Variants in DCAF4L1 observed in about 807,000 individuals in gnomAD.
DCAF4L1 encodes the protein DDB1- and CUL4-associated factor 4-like protein 1.
DCAF4L1 carries 4 observed loss-of-function variants against 28.2 expected under a neutral mutation model. The ratio of observed to expected loss-of-function variants is 0.14; its 90% confidence interval spans 0.07 to 0.33. The LOEUF (loss-of-function observed/expected upper bound fraction) is 0.33, where lower values mean the gene tolerates loss of function less well. Ranked by LOEUF, DCAF4L1 falls within the 10% of genes least tolerant of loss-of-function variation. DCAF4L1 has a pLI of 1.00. For synonymous variants in DCAF4L1, 252 were observed against 212.1 expected, an observed-to-expected ratio of 1.19 and a Z score of -1.63; for missense variants, 331 against 506.1, an observed-to-expected ratio of 0.65 and a Z score of 3.32.
rs1310577773 is a variant in DCAF4L1, at chr4:41,985,165, G to GA, written c.*2183dup. On this transcript the variant is annotated 3_prime_UTR_variant, in exon 1 of 1. Transcript: ENST00000333141. ...ATTTATTTGGCAATTGACAAAAAAT[G>GA]ACTACATAACTTGATAAACTGTTTA... 2.4e-5 allele frequency: 4 copies of GA among 166,438 alleles called. No homozygotes were observed. The highest frequency in any genetic ancestry group is 9.7e-5 in the African/African-American group (4 of 41,208). The allele number at this position is 166,438 out of a possible 1,614,324, so 10.3% of individuals were successfully genotyped here. A position where few individuals can be genotyped will look rare whatever the true frequency, so the allele number is the denominator to read the frequency against.
rs777654754 is a variant in DCAF4L1, at chr4:41,982,038, C to T, written c.246C>T (p.Asn82=). ...TTAACTTCATTCTGGCGAGTACCAA[C>T]AGCGACCAGCTCTTCGTAGTGAACC... is the stretch of plus-strand genomic sequence containing the variant. ...DRFNFILAST[N]SDQLFVVNQV... is the part of the protein sequence containing the mutation. The change falls in exon 1 of 1, where the codon AAC becomes AAT. Residue 82 remains asparagine (N), a synonymous_variant. Transcript: ENST00000333141. This position sits in a 1 kb window ranked among gnomAD's most constrained non-coding sequence, Gnocchi z 4.4. 39 of 1,614,120 alleles carry T rather than the reference C, an allele frequency of 2.4e-5. No homozygotes were observed. The highest frequency in any genetic ancestry group is 1.6e-4 in the Middle Eastern group (1 of 6,084).
Position 41,985,551 on chromosome 4 carries a change from C to T in DCAF4L1, c.*2568C>T, listed in dbSNP as rs993291549. The T allele has an allele frequency of 6.0e-6, 1 of 167,090 alleles. No individual in the cohort carries two copies. Among genetic ancestry groups the T allele is most frequent in the Non-Finnish European group, 1.5e-5 (1 of 68,116 alleles). The allele number at this position is 167,090 out of a possible 1,614,324, so 10.4% of individuals were successfully genotyped here. Reference sequence around the variant, plus strand: ...TGCTAAAGCTAGAAGTTTGCATACTCTATGACCCAGTCATTTCAGTCCTAG... The same window carrying T: ...TGCTAAAGCTAGAAGTTTGCATACTTTATGACCCAGTCATTTCAGTCCTAG... On this transcript the variant is annotated 3_prime_UTR_variant, in exon 1 of 1. Transcript: ENST00000333141.
Position 41,984,818 on chromosome 4 carries a change from T to G in DCAF4L1, c.*1835T>G. On this transcript the variant is annotated 3_prime_UTR_variant, in exon 1 of 1. Transcript: ENST00000333141. ...TACATATTGATAGAAGATGAGTAGA[T>G]CAATAGAGAAGATATGGGAGTATGG... 1 of 167,166 alleles carries G rather than the reference T, an allele frequency of 6.0e-6. No homozygotes were observed. 10.4% of individuals were successfully genotyped at this position (167,166 alleles called of 1,614,324 possible). A position where few individuals can be genotyped will look rare whatever the true frequency, so the allele number is the denominator to read the frequency against.
In DCAF4L1 at chr4:41,982,993, TGGCAGCGCG is replaced by T; in HGVS notation, c.*12_*20del. On this transcript the variant is annotated 3_prime_UTR_variant, in exon 1 of 1. Coordinates refer to ENST00000333141, the MANE Select transcript of DCAF4L1 (RefSeq NM_001029955.4). This position sits in a 1 kb window ranked among gnomAD's most constrained non-coding sequence, Gnocchi z 4.4. Reference sequence around the variant, plus strand: ...TTTCCCCTTCAGCTAATTCTGCAGGTGGCAGCGCGGCCGAATGTGGATTTGACTTAAGGA... The same window carrying T: ...TTTCCCCTTCAGCTAATTCTGCAGGTGCCGAATGTGGATTTGACTTAAGGA... The T allele has an allele frequency of 3.8e-6, 6 of 1,585,132 alleles. No homozygotes were observed. The highest frequency in any genetic ancestry group is 5.1e-6 in the Non-Finnish European group (6 of 1,165,828).
chr4:41,985,964 T>C lies in DCAF4L1; in HGVS notation c.*2981T>C, dbSNP rs1489699892. The C allele has an allele frequency of 1.8e-5, 3 of 167,138 alleles. No individual in the cohort carries two copies. The highest frequency in any genetic ancestry group is 4.4e-5 in the Non-Finnish European group (3 of 68,142). The allele number at this position is 167,138 out of a possible 1,614,324, so 10.4% of individuals were successfully genotyped here. On this transcript the variant is annotated 3_prime_UTR_variant, in exon 1 of 1. Transcript: ENST00000333141. Reference sequence around the variant, plus strand: ...CTAGTGACTCCAATAGTAATGGCACTGTGTCCGAGAGTCCAAAGAAGATGC... The same window carrying C: ...CTAGTGACTCCAATAGTAATGGCACCGTGTCCGAGAGTCCAAAGAAGATGC...
At position 41,982,921 on chromosome 4, in the gene DCAF4L1, G is replaced by A; in HGVS notation, c.1129G>A (p.Gly377Arg). 6.2e-7 allele frequency: 1 copy of A among 1,614,086 alleles called. No homozygotes were observed. The highest frequency in any genetic ancestry group is 8.5e-7 in the Non-Finnish European group (1 of 1,180,000). ...AFASRLGGIR[G>R]AAPGLLMAVR... ...CGCTTCTCGGCTCGGGGGCATCCGGGGAGCAGCACCAGGGCTGCTCATGGC... is the reference window on the plus strand; with the variant it reads ...CGCTTCTCGGCTCGGGGGCATCCGGAGAGCAGCACCAGGGCTGCTCATGGC... Residue 377 changes from glycine (G) to arginine (R), a missense_variant, in exon 1 of 1, where the codon GGA becomes AGA. By Grantham distance (125) the Gly-to-Arg change is moderately radical (BLOSUM62 -2). Transcript: ENST00000333141. This position sits in a 1 kb window ranked among gnomAD's most constrained non-coding sequence, Gnocchi z 4.4.
In DCAF4L1 at chr4:41,983,042, T is replaced by C; in HGVS notation, c.*59T>C. On this transcript the variant is annotated 3_prime_UTR_variant, in exon 1 of 1. Transcript: ENST00000333141. Reference sequence around the variant, plus strand: ...TGACTTAAGGAAGTTAAGAGTATCTTATTACCGTTTCTGTGAGAGCATTTT... The same window carrying C: ...TGACTTAAGGAAGTTAAGAGTATCTCATTACCGTTTCTGTGAGAGCATTTT... 7.0e-7 allele frequency: 1 copy of C among 1,438,832 alleles called. No individual in the cohort carries two copies. Among genetic ancestry groups the C allele is most frequent in the Non-Finnish European group, 9.5e-7 (1 of 1,056,030 alleles). 89.1% of individuals were successfully genotyped at this position (1,438,832 alleles called of 1,614,324 possible). A position where few individuals can be genotyped will look rare whatever the true frequency, so the allele number is the denominator to read the frequency against.
Position 41,981,806 on chromosome 4 carries a change from G to A in DCAF4L1, c.14G>A (p.Arg5Lys). 6.2e-7 allele frequency: 1 copy of A among 1,614,012 alleles called. No individual in the cohort carries two copies. The highest frequency in any genetic ancestry group is 2.2e-5 in the East Asian group (1 of 44,884). The change falls in exon 1 of 1, where the codon AGG becomes AAG. Residue 5 changes from arginine (R) to lysine (K), a missense_variant. By Grantham distance (26) the Arg-to-Lys change is conservative (BLOSUM62 2). Coordinates refer to ENST00000333141, the MANE Select transcript of DCAF4L1 (RefSeq NM_001029955.4). MEAE[R>K]LRLLEEEAKL... ...CCGCAGGAGGAAATGGAGGCTGAAA[G>A]GCTGCGACTCCTCGAGGAAGAGGCC... is the stretch of plus-strand genomic sequence containing the variant.
Position 41,984,229 on chromosome 4 carries a change from T to C in DCAF4L1, c.*1246T>C, listed in dbSNP as rs1714080894. 18 of 166,558 alleles carry C rather than the reference T, an allele frequency of 1.1e-4. No individual in the cohort carries two copies. The allele number at this position is 166,558 out of a possible 1,614,324, so 10.3% of individuals were successfully genotyped here. A position where few individuals can be genotyped will look rare whatever the true frequency, so the allele number is the denominator to read the frequency against. ...ATCTATATGCTTCACGTTTTTATAG[T>C]TTACTGTATATATGTTATTCCTCAA... On this transcript the variant is annotated 3_prime_UTR_variant, in exon 1 of 1. Coordinates refer to ENST00000333141, the MANE Select transcript of DCAF4L1 (RefSeq NM_001029955.4).
At position 41,983,330 on chromosome 4, in the gene DCAF4L1, C is replaced by A. The variant is rs115602445; in HGVS notation, c.*347C>A. On this transcript the variant is annotated 3_prime_UTR_variant, in exon 1 of 1. Coordinates refer to ENST00000333141, the MANE Select transcript of DCAF4L1 (RefSeq NM_001029955.4). ...AAACTAAAATAAATTAAAGCAGCTT[C>A]TTTCACTAGTAGCCCTTTAGAGAAG... The A allele has an allele frequency of 2.6e-3, 543 of 204,936 alleles. 3 individuals carry two copies. The highest frequency in any genetic ancestry group is 0.012 in the African/African-American group (484 of 42,076). 12.7% of individuals were successfully genotyped at this position (204,936 alleles called of 1,614,324 possible). A position where few individuals can be genotyped will look rare whatever the true frequency, so the allele number is the denominator to read the frequency against.
Position 41,983,103 on chromosome 4 carries a change from C to T in DCAF4L1, c.*120C>T, listed in dbSNP as rs1182679189. 4 of 851,968 alleles carry T rather than the reference C, an allele frequency of 4.7e-6. No homozygotes were observed. The Admixed American group carries it at 1.2e-4, about 25-fold the overall frequency. The allele number at this position is 851,968 out of a possible 1,614,324, so 52.8% of individuals were successfully genotyped here. A position where few individuals can be genotyped will look rare whatever the true frequency, so the allele number is the denominator to read the frequency against. On this transcript the variant is annotated 3_prime_UTR_variant, in exon 1 of 1. Transcript: ENST00000333141. ...TTGTATATAGATCGCATCCATCCGG[C>T]TGCCAGGGGTAAGGTGTTAAGAGTT...
Position 41,984,904 on chromosome 4 carries a change from T to G in DCAF4L1, c.*1921T>G, listed in dbSNP as rs1247992194. On this transcript the variant is annotated 3_prime_UTR_variant, in exon 1 of 1. Transcript: ENST00000333141. Reference sequence around the variant, plus strand: ...TTTTATACTAACTTGATATGTGACATGAGAAATTGTGTAAGCTTTACTTGC... The same window carrying G: ...TTTTATACTAACTTGATATGTGACAGGAGAAATTGTGTAAGCTTTACTTGC... 6.0e-6 allele frequency: 1 copy of G among 167,040 alleles called. No homozygotes were observed. Among genetic ancestry groups the G allele is most frequent in the Non-Finnish European group, 1.5e-5 (1 of 68,094 alleles). The allele number at this position is 167,040 out of a possible 1,614,324, so 10.3% of individuals were successfully genotyped here. A position where few individuals can be genotyped will look rare whatever the true frequency, so the allele number is the denominator to read the frequency against.
At position 41,983,561 on chromosome 4, in the gene DCAF4L1, T is replaced by C. The variant is rs1272385697; in HGVS notation, c.*578T>C. 1 of 167,282 alleles carries C rather than the reference T, an allele frequency of 6.0e-6. No homozygotes were observed. Among genetic ancestry groups the C allele is most frequent in the African/African-American group, 2.4e-5 (1 of 41,464 alleles). 10.4% of individuals were successfully genotyped at this position (167,282 alleles called of 1,614,324 possible). A position where few individuals can be genotyped will look rare whatever the true frequency, so the allele number is the denominator to read the frequency against. ...TCTTAAGGTTCTCCTTTTATTGTTA[T>C]CATCCATAGGCATTGGAAGGAAAGA... On this transcript the variant is annotated 3_prime_UTR_variant, in exon 1 of 1. Coordinates refer to ENST00000333141, the MANE Select transcript of DCAF4L1 (RefSeq NM_001029955.4).
rs1210753951 is a variant in DCAF4L1, at chr4:41,984,184, GATAC to G, written c.*1206_*1209del. 6.0e-6 allele frequency: 1 copy of G among 166,432 alleles called. No individual in the cohort carries two copies. The highest frequency in any genetic ancestry group is 2.4e-5 in the African/African-American group (1 of 41,400). 10.3% of individuals were successfully genotyped at this position (166,432 alleles called of 1,614,324 possible). The stretch of plus-strand genomic sequence containing the variant: ...CTGAGTTTTCTTTATCTTGACACTT[GATAC>G]ATACGTAATTCATATATCTATATGC... On this transcript the variant is annotated 3_prime_UTR_variant, in exon 1 of 1. Transcript: ENST00000333141.
rs200759984 is a variant in DCAF4L1 at position 41,982,950 on chromosome 4, C to T, written c.1158C>T (p.Val386=). ...RGAAPGLLMA[V]RQDLYCFPFS The stretch of plus-strand genomic sequence containing the variant: ...CAGCACCAGGGCTGCTCATGGCTGT[C>T]CGGCAGGACCTTTATTGTTTCCCCT... The change falls in exon 1 of 1, where the codon GTC becomes GTT. Residue 386 remains valine (V), a synonymous_variant. Coordinates refer to ENST00000333141, the MANE Select transcript of DCAF4L1 (RefSeq NM_001029955.4). This position sits in a 1 kb window ranked among gnomAD's most constrained non-coding sequence, Gnocchi z 4.4. 3 of 1,612,126 alleles carry T rather than the reference C, an allele frequency of 1.9e-6. No individual in the cohort carries two copies. The highest frequency in any genetic ancestry group is 2.5e-6 in the Non-Finnish European group (3 of 1,179,218).
Position 41,982,496 on chromosome 4 carries a change from CGGCTCCTTTGCTGTTTAAT to C in DCAF4L1, c.709_727del (p.Pro237ValfsTer31), listed in dbSNP as rs1560527216. On this transcript the variant is annotated frameshift_variant, in exon 1 of 1. Coordinates refer to ENST00000333141, the MANE Select transcript of DCAF4L1 (RefSeq NM_001029955.4). LOFTEE classifies it high-confidence loss of function. This position sits in a 1 kb window ranked among gnomAD's most constrained non-coding sequence, Gnocchi z 4.4. ...GTCTTGGCCCAGCAGTTTGCTAGTA[CGGCTCCTTTGCTGTTTAAT>C]GGCTGTCGCTCCGGGGAGATCTTTG... The C allele has an allele frequency of 5.0e-6, 8 of 1,614,216 alleles. No individual in the cohort carries two copies. Among genetic ancestry groups the C allele is most frequent in the Non-Finnish European group, 6.8e-6 (8 of 1,180,042 alleles).
rs1288623328 is a variant in DCAF4L1 at position 41,983,131 on chromosome 4, A to C, written c.*148A>C. ...CCAGGGGTAAGGTGTTAAGAGTTTT[A>C]TGTGGAGACGTTCTTGTAAAGTTAT... is the stretch of plus-strand genomic sequence containing the variant. On this transcript the variant is annotated 3_prime_UTR_variant, in exon 1 of 1. Coordinates refer to ENST00000333141, the MANE Select transcript of DCAF4L1 (RefSeq NM_001029955.4). 1.5e-6 allele frequency: 1 copy of C among 676,584 alleles called. No individual in the cohort carries two copies. Among genetic ancestry groups the C allele is most frequent in the Non-Finnish European group, 2.5e-6 (1 of 397,792 alleles). The allele number at this position is 676,584 out of a possible 1,614,324, so 41.9% of individuals were successfully genotyped here.
At position 41,981,955 on chromosome 4, in the gene DCAF4L1, G is replaced by C. The variant is rs1713995931; in HGVS notation, c.163G>C (p.Glu55Gln). The C allele has an allele frequency of 6.2e-7, 1 of 1,614,122 alleles. No individual in the cohort carries two copies. Among genetic ancestry groups the C allele is most frequent in the Admixed American group, 1.7e-5 (1 of 60,010 alleles). The change falls in exon 1 of 1, where the codon GAG becomes CAG. Residue 55 changes from glutamate (E) to glutamine (Q), a missense_variant. Physicochemically the swap from Glu to Gln is conservative, Grantham distance 29. Coordinates refer to ENST00000333141, the MANE Select transcript of DCAF4L1 (RefSeq NM_001029955.4). The stretch of plus-strand genomic sequence containing the variant: ...CAACGAGCTGCGTGTGAGCTGCATG[G>C]AGCGGAAAAAGGTCCAAATTCGGAG... ...LANELRVSCM[E>Q]RKKVQIRSLD...
rs1388539367 is a variant in DCAF4L1 at position 41,984,958 on chromosome 4, GATA to G, written c.*1980_*1982del. The G allele has an allele frequency of 6.0e-6, 1 of 166,894 alleles. No individual in the cohort carries two copies. The allele number at this position is 166,894 out of a possible 1,614,324, so 10.3% of individuals were successfully genotyped here. A position where few individuals can be genotyped will look rare whatever the true frequency, so the allele number is the denominator to read the frequency against. On this transcript the variant is annotated 3_prime_UTR_variant, in exon 1 of 1. Transcript: ENST00000333141. ...TGTTTCTTCAGTGTAAAATGTCTTA[GATA>G]ATAAAACTAAATGATAAAGTAGATA...
Sources: gnomAD v4.1 joint callset for allele counts on GRCh38, gnomAD v4.1.1 for gene constraint, Gnocchi (gnomAD v3.1) non-coding constraint, MANE v1.5 for transcripts, NCBI Gene and HGNC (gene_info 2026-07-23, HGNC 2026-07-21) for gene names.